The following WLS variants were observed in gnomAD, a reference collection of about 807,000 sequenced individuals.
The protein encoded by WLS is protein wntless homolog.
In WLS, 23 loss-of-function variants were observed where a neutral mutation model predicts 62.8. The ratio of observed to expected loss-of-function variants is 0.37; its 90% CI spans 0.26 to 0.52. The LOEUF (loss-of-function observed/expected upper bound fraction) is 0.52. Ranked by LOEUF, WLS falls within the 20% of genes least tolerant of loss-of-function variation. The pLI is 0.92. For missense variants in WLS, 615 were observed against 697.3 expected, an observed-to-expected ratio of 0.88 and a Z score of 1.33; for synonymous variants, 246 against 244.1, an observed-to-expected ratio of 1.01 and a Z score of -0.07.
intron 1 of WLS, among the ~76,000 whole-genome samples, chr1:68,230,143 G>A (rs912071318): frequency 5.3e-5 from 8 of 152,044 alleles, no homozygotes; most frequent in Admixed American, 5.2e-4. Context: ...TTTCAGAAGT[G>A]CCCTAGGAAG....
chr1:68,205,717 A>G (rs999845517), intron 1 of WLS, among the ~76,000 whole-genome samples: 1 of 152,238 alleles, frequency 6.6e-6, no homozygotes, highest in Admixed American at 6.5e-5. Context: ...CCCTTTAAAC[A>G]GTACCTACCA....
At position 68,187,189 on chromosome 1, in the gene WLS, C is replaced by CAA. The variant is rs34130992; in HGVS notation, c.379+6764_379+6765dup. ...GGGGGACAGAGCAAGACTCCATCTC[C>CAA]AAAAAAAAAAAAAAAAAAAAAATTA... On this transcript the variant is annotated intron_variant, in intron 2 of 11. Transcript: ENST00000262348. 4.7e-3 allele frequency among the ~76,000 whole-genome samples: 271 copies of CAA among 57,114 alleles called. 13 individuals carry two copies. The highest frequency in any genetic ancestry group is 0.016 in the African/African-American group (216 of 13,374). 37.5% of individuals were successfully genotyped at this position (57,114 alleles called of 152,430 possible).
intron 2 of WLS, among the ~76,000 whole-genome samples, chr1:68,177,658 T>C (rs1229304031): frequency 6.6e-6 from 1 of 152,164 alleles, no homozygotes; most frequent in African/African-American, 2.4e-5. Flanking sequence ...CACATCCTGA[T>C]AATTTTTGTA....
intron 11 of WLS, among the ~76,000 whole-genome samples, chr1:68,105,299 G>T (rs1646128564): frequency 1.3e-5 from 2 of 152,132 alleles, no homozygotes; most frequent in Admixed American, 1.3e-4. Flanking sequence ...CTTATACTTT[G>T]CATAACCCTT....
intron 5 of WLS, among the ~76,000 whole-genome samples, chr1:68,150,949 CAT>C (rs1376017578): frequency 1.3e-5 from 2 of 152,172 alleles, no homozygotes; most frequent in African/African-American, 4.8e-5. Flanking sequence ...CCTTGAAACA[CAT>C]ATGTTAATTA....
chr1:68,153,030 G>A (rs1018066326), intron 5 of WLS, among the ~76,000 whole-genome samples: 4 of 152,178 alleles, frequency 2.6e-5, no homozygotes, highest in African/African-American at 9.7e-5. Flanking sequence ...TGTAATCCCA[G>A]CACTTTGGGA....
At chr1:68,162,233 CCTT>C in intron 2 of WLS, 1 of 1,515,884 alleles carries the variant, frequency 6.6e-7, no homozygotes, top group African/African-American at 1.4e-5. Flanking sequence ...ATCCTGCCCT[CCTT>C]GAGAGCTTGT....
intron 2 of WLS, among the ~76,000 whole-genome samples, chr1:68,174,536 T>C (rs886140890): frequency 5.3e-5 from 8 of 152,110 alleles, no homozygotes; most frequent in Admixed American, 1.3e-4. Flanking sequence ...TGTGAGAGAA[T>C]GGGAAGCATA....
intron 10 of WLS, among the ~76,000 whole-genome samples, chr1:68,138,971 T>C (rs1310340907): frequency 6.6e-6 from 1 of 152,228 alleles, no homozygotes; most frequent in Admixed American, 6.5e-5. Flanking sequence ...TATGATACAG[T>C]GGGTCTGTGT....
chr1:68,153,341 T>C (rs780390849), intron 5 of WLS, among the ~76,000 whole-genome samples, 176 bp downstream of exon 5: 7 of 152,074 alleles, frequency 4.6e-5, no homozygotes, highest in Non-Finnish European at 7.4e-5. Flanking sequence ...AGGATTTACT[T>C]AATAACAACT....
downstream of WLS, chr1:68,120,984 A>G (rs1646357965): frequency 6.6e-6 from 1 of 152,246 alleles, no homozygotes; most frequent in Non-Finnish European, 1.5e-5. Context: ...AAGTTCTACC[A>G]TTAAGTCAAA....
At chr1:68,159,687 A>C (rs1311237832) in intron 2 of WLS, among the ~76,000 whole-genome samples, 5 of 152,134 alleles carry the variant, frequency 3.3e-5, no homozygotes, top group Admixed American at 2.6e-4. Flanking sequence ...AACATGACCA[A>C]GTTTTTCAAC....
rs184798560 is a variant in WLS, at chr1:68,140,215, C to T, written c.1363-2282G>A. Among the ~76,000 whole-genome samples, 816 of 152,280 alleles carry T rather than the reference C, an allele frequency of 5.4e-3. 28 individuals are homozygous for T. The highest frequency in any genetic ancestry group is 0.049 in the Admixed American group (747 of 15,286). ...AGATGGAGTATCTTGCCCAAGATTG[C>T]TCAGCCAGAAAGCCATGGCTCTGAC... is the stretch of plus-strand genomic sequence containing the variant. On this transcript the variant is annotated intron_variant, in intron 10 of 11. Coordinates refer to ENST00000262348, the MANE Select transcript of WLS (RefSeq NM_024911.7).
intron 2 of WLS, among the ~76,000 whole-genome samples, chr1:68,178,852 C>T (rs1337049688): frequency 1.3e-5 from 2 of 152,058 alleles, no homozygotes; most frequent in Non-Finnish European, 1.5e-5. Context: ...CCCAATAATG[C>T]CTATCGAATG....
chr1:68,186,289 A>G (rs910500758), intron 2 of WLS, among the ~76,000 whole-genome samples: 1 of 152,210 alleles, frequency 6.6e-6, no homozygotes, highest in Non-Finnish European at 1.5e-5. Context: ...GAAAAATTTA[A>G]AGGGAATAAA....
intron 2 of WLS, among the ~76,000 whole-genome samples, chr1:68,163,323 G>A (rs1456882546): frequency 2.0e-5 from 3 of 152,146 alleles, no homozygotes; most frequent in Non-Finnish European, 4.4e-5. Flanking sequence ...CCCTCGTCCC[G>A]GACGGTCAGC....
chr1:68,182,256 T>C (rs927536938), intron 2 of WLS, among the ~76,000 whole-genome samples: 3 of 152,242 alleles, frequency 2.0e-5, no homozygotes, highest in African/African-American at 4.8e-5. Flanking sequence ...CCAAGCCAGA[T>C]AGAGCTCTAT....
At chr1:68,149,828 C>T (rs538362420) in intron 6 of WLS, among the ~76,000 whole-genome samples, 6 of 152,334 alleles carry the variant, frequency 3.9e-5, no homozygotes, top group African/African-American at 1.4e-4. Context: ...ACAAGAAACT[C>T]AAGCTCAAGG....
intron 2 of WLS, 32 bp from the exon 3 acceptor site, chr1:68,159,279 G>C: frequency 6.2e-7 from 1 of 1,601,774 alleles, no homozygotes; most frequent in South Asian, 1.1e-5. Context: ...TTTCAGAAAT[G>C]ACTTTTGGAA....
Sources: allele counts gnomAD v4.1 joint callset (sites outside exome capture counted in the v4.1 genomes callset), GRCh38; gene constraint gnomAD v4.1.1; transcripts MANE v1.5; gene names NCBI Gene and HGNC (gene_info 2026-07-23, HGNC 2026-07-21).